EHD2: variants seen among roughly 807,000 people sequenced by gnomAD.
The protein encoded by EHD2 is EH domain-containing protein 2.
EHD2 carries 27 observed loss-of-function variants against 41.0 expected under a neutral mutation model. The ratio of observed to expected loss-of-function variants is 0.66; its 90% CI spans 0.49 to 0.91. The LOEUF is 0.91. Ranked by LOEUF, EHD2 falls within the 40% of genes least tolerant of loss-of-function variation. The pLI is 0.00. For missense variants in EHD2, 673 were observed against 773.9 expected, an observed-to-expected ratio of 0.87 and a Z score of 1.55; for synonymous variants, 342 against 341.0, an observed-to-expected ratio of 1.00 and a Z score of -0.03.
rs186357971 is a variant in EHD2 at position 47,739,107 on chromosome 19, T to C, written c.1081-1774T>C. 7.9e-3 allele frequency among the ~76,000 whole-genome samples: 1,200 copies of C among 151,940 alleles called. 9 individuals carry two copies. The highest frequency in any genetic ancestry group is 0.012 in the Non-Finnish European group (789 of 67,952). The stretch of plus-strand genomic sequence containing the variant: ...CTTTTTTCTCTCCCCCCCTGCACAC[T>C]TTTTTGTTTTGAGACAGGGTCTTGC... On this transcript the variant is annotated intron_variant, in intron 5 of 5. Coordinates refer to ENST00000263277, the MANE Select transcript of EHD2 (RefSeq NM_014601.4).
chr19:47,739,287 T>TAA (rs1966959783), intron 5 of EHD2, among the ~76,000 whole-genome samples: 2 of 147,652 alleles, frequency 1.4e-5, no homozygotes, highest in South Asian at 2.1e-4. Flanking sequence ...TTTTTTTTTT[T>TAA]TTTTTTTTTT....
At chr19:47,727,928 T>C (rs1973768732) in intron 4 of EHD2, among the ~76,000 whole-genome samples, 1 of 151,782 alleles carries the variant, frequency 6.6e-6, no homozygotes, top group Admixed American at 6.6e-5. Context: ...AAACTGCGTC[T>C]CTACTAAAAA....
chr19:47,714,437 TA>T (rs1198052639), intron 1 of EHD2, among the ~76,000 whole-genome samples: 1 of 152,042 alleles, frequency 6.6e-6, no homozygotes, highest in South Asian at 2.1e-4. Flanking sequence ...TTTTCTTTTT[TA>T]AAAAAAGCAA....
intron 4 of EHD2, among the ~76,000 whole-genome samples, chr19:47,726,533 T>TCCTCCTCCTCCTCTTCTTCTC (rs1285622807): frequency 7.4e-5 from 9 of 121,640 alleles, no homozygotes; most frequent in African/African-American, 2.4e-4. Flanking sequence ...CTTCTCTCTT[T>TCCTCCTCCTCCTCTTCTTCTC]CCTCCTCCTC....
chr19:47,720,308 C>T lies in EHD2; in HGVS notation c.502+1702C>T, dbSNP rs138411084. The stretch of plus-strand genomic sequence containing the variant: ...CCTCCTGAGTAGCCAGGACTACAGG[C>T]GCCCGCCGCACCCATGTCCGGCTAA... On this transcript the variant is annotated intron_variant, in intron 3 of 5. Coordinates refer to ENST00000263277, the MANE Select transcript of EHD2 (RefSeq NM_014601.4). 4.3e-3 allele frequency among the ~76,000 whole-genome samples: 661 copies of T among 151,996 alleles called. 4 individuals carry two copies. Among genetic ancestry groups the T allele is most frequent in the Middle Eastern group, 0.024 (7 of 294 alleles).
chr19:47,728,610 C>T (rs1359399011), intron 4 of EHD2, among the ~76,000 whole-genome samples: 1 of 149,664 alleles, frequency 6.7e-6, no homozygotes, highest in African/African-American at 2.5e-5. Flanking sequence ...CCTCTGTTGC[C>T]CAGGCTGGAG....
chr19:47,713,841 G>A (rs912954210), intron 1 of EHD2, among the ~76,000 whole-genome samples: 1 of 151,626 alleles, frequency 6.6e-6, no homozygotes, highest in Non-Finnish European at 1.5e-5. Context: ...TCTCTGCAGG[G>A]TCTCCCTCCA....
intron 3 of EHD2, among the ~76,000 whole-genome samples, chr19:47,722,842 G>A (rs1468381320): frequency 2.0e-5 from 3 of 152,038 alleles, no homozygotes; most frequent in Non-Finnish European, 2.9e-5. Flanking sequence ...TGCTGGGATT[G>A]CAGGCGTGAG....
In EHD2 at chr19:47,739,274, A is replaced by ATT. The variant is rs57266469; in HGVS notation, c.1081-1581_1081-1580dup. On this transcript the variant is annotated intron_variant, in intron 5 of 5. Transcript: ENST00000263277. The stretch of plus-strand genomic sequence containing the variant: ...CACCACCACACCTGGCTAATTTTTA[A>ATT]TTTTTTTTTTTTTTTTTTTTTTTTT... Among the ~76,000 whole-genome samples, 118 of 116,048 alleles carry ATT rather than the reference A, an allele frequency of 1.0e-3. 4 individuals are homozygous for ATT. Among genetic ancestry groups the ATT allele is most frequent in the African/African-American group, 3.0e-3 (97 of 32,410 alleles). 76.1% of individuals were successfully genotyped at this position (116,048 alleles called of 152,430 possible). A position where few individuals can be genotyped will look rare whatever the true frequency, so the allele number is the denominator to read the frequency against.
intron 5 of EHD2, among the ~76,000 whole-genome samples, chr19:47,738,861 G>A (rs1391272185): frequency 5.3e-5 from 8 of 152,130 alleles, no homozygotes; most frequent in Admixed American, 5.2e-4. Context: ...AGACTGTCCT[G>A]GTGCAGTCTG....
Position 47,716,796 on chromosome 19 carries a change from C to G in EHD2, c.184C>G (p.Leu62Val), listed in dbSNP as rs1254289248. ...DADFDGKPMV[L>V]VAGQYSTGKT... ...AGACTTCGACGGCAAGCCCATGGTG[C>G]TGGTGGCCGGCCAGTACAGCACGGG... The change falls in exon 2 of 6, where the codon CTG (leucine) becomes GTG (valine). Residue 62 changes from leucine to valine, a missense_variant. By Grantham distance (32) the Leu-to-Val change is conservative. Transcript: ENST00000263277. 1 of 1,611,098 alleles carries G rather than the reference C, an allele frequency of 6.2e-7. No homozygotes were observed. The highest frequency in any genetic ancestry group is 1.3e-5 in the African/African-American group (1 of 74,912).
At chr19:47,724,467 A>C (rs11881604) in intron 3 of EHD2, among the ~76,000 whole-genome samples, 25,981 of 152,072 alleles carry the variant, frequency 0.17, 2,596 homozygotes, top group African/African-American at 0.27. Flanking sequence ...GAGGGACTCA[A>C]CTCCAGGTCT....
rs547637336 is a variant in EHD2 at position 47,735,263 on chromosome 19, G to A, written c.916-1106G>A. On this transcript the variant is annotated intron_variant, in intron 4 of 5. Coordinates refer to ENST00000263277, the MANE Select transcript of EHD2 (RefSeq NM_014601.4). Reference sequence around the variant, plus strand: ...AGCTCTGAGTCCTGAGCTGGAGGGAGAGGCTTAGGCTGGTATGCAGATTCG... The same window carrying A: ...AGCTCTGAGTCCTGAGCTGGAGGGAAAGGCTTAGGCTGGTATGCAGATTCG... Among the ~76,000 whole-genome samples the A allele has an allele frequency of 1.9e-3, 283 of 152,252 alleles. 1 individual carries two copies. The highest frequency in any genetic ancestry group is 6.6e-3 in the African/African-American group (275 of 41,556).
rs574646788 is a variant in EHD2 at position 47,741,429 on chromosome 19, G to C, written c.1629G>C (p.Glu543Asp). The part of the protein sequence containing the change: ...PSKRRHKGSA[E>D] ...AGCGACGCCACAAGGGCTCCGCCGA[G>C]TGAGCCGGCCCCCCTCCCATGGCCC... The change falls in exon 6 of 6, where the codon GAG (glutamate) becomes GAC (aspartate). Residue 543 changes from glutamate (E) to aspartate (D), a missense_variant. Coordinates refer to ENST00000263277, the MANE Select transcript of EHD2 (RefSeq NM_014601.4). The surrounding 1 kb of genome is among the most constrained non-coding windows in gnomAD (Gnocchi z 4.5). 3.3e-5 allele frequency: 50 copies of C among 1,496,898 alleles called. No individual in the cohort carries two copies. The highest frequency in any genetic ancestry group is 3.8e-5 in the Non-Finnish European group (43 of 1,136,600). The allele number at this position is 1,496,898 out of a possible 1,614,324, so 92.7% of individuals were successfully genotyped here. A position where few individuals can be genotyped will look rare whatever the true frequency, so the allele number is the denominator to read the frequency against.
Position 47,726,835 on chromosome 19 carries a change from C to A in EHD2, c.915+611C>A, listed in dbSNP as rs144659791. ...CTGAGACCACAGGCACGTGTCACCA[C>A]GCCCAGCTAATTTTTTATTTTTTGT... On this transcript the variant is annotated intron_variant, in intron 4 of 5. Transcript: ENST00000263277. Among the ~76,000 whole-genome samples, 311 of 152,218 alleles carry A rather than the reference C, an allele frequency of 2.0e-3. 2 individuals are homozygous for A. Among genetic ancestry groups the A allele is most frequent in the African/African-American group, 7.2e-3 (300 of 41,512 alleles).
rs1315901160 is a variant in EHD2, at chr19:47,742,274, TG to T, written c.*843del. On this transcript the variant is annotated 3_prime_UTR_variant, in exon 6 of 6. Transcript: ENST00000263277. The stretch of plus-strand genomic sequence containing the variant: ...TCCACACCCCTTCCCTTTCCTGTCC[TG>T]TCCTTTCTTTCTTTTTTGATAGAAT... The T allele has an allele frequency of 3.5e-5, 8 of 228,004 alleles. No homozygotes were observed. The highest frequency in any genetic ancestry group is 5.3e-5 in the Non-Finnish European group (6 of 113,202). 14.1% of individuals were successfully genotyped at this position (228,004 alleles called of 1,614,324 possible).
intron 4 of EHD2, among the ~76,000 whole-genome samples, chr19:47,726,960 G>A (rs547411397): frequency 8.5e-5 from 13 of 152,242 alleles, no homozygotes; most frequent in African/African-American, 3.1e-4. Context: ...TTGCAGGCAT[G>A]AGTATGTTGA....
chr19:47,731,313 TAA>T (rs1973813427), intron 4 of EHD2: 1 of 108,712 alleles, frequency 9.2e-6, no homozygotes, highest in Non-Finnish European at 2.1e-5. Flanking sequence ...CATATATATA[TAA>T]TTTTTTTTTT....
chr19:47,723,925 T>C (rs1973723817), intron 3 of EHD2, among the ~76,000 whole-genome samples: 1 of 152,070 alleles, frequency 6.6e-6, no homozygotes, highest in Non-Finnish European at 1.5e-5. Context: ...GCTCAAGCGA[T>C]CCTCCTGCCT....
Sources: gnomAD v4.1 joint callset for allele counts (sites outside exome capture counted in the v4.1 genomes callset) on GRCh38, gnomAD v4.1.1 for gene constraint, Gnocchi (gnomAD v3.1) non-coding constraint, MANE v1.5 for transcripts, NCBI Gene and HGNC (gene_info 2026-07-23, HGNC 2026-07-21) for gene names.